Variants in HECW1 observed in about 807,000 individuals in gnomAD.
HECW1 encodes HECT, C2 and WW domain containing E3 ubiquitin protein ligase 1, also known as E3 ubiquitin-protein ligase HECW1.
HECW1 carries 61 observed loss-of-function variants against 182.3 expected under a neutral mutation model. That is an observed-to-expected ratio of 0.33 (90% CI 0.27 to 0.41). HECW1 has a LOEUF of 0.41. Ranked by LOEUF, HECW1 falls within the 10% of genes least tolerant of loss-of-function variation. The probability of loss-of-function intolerance (pLI) is 1.00; values close to 1 mark genes in which losing one functional copy is unlikely to be tolerated. For synonymous variants in HECW1, 859 were observed against 832.6 expected (o/e 1.03, Z -0.55); for missense variants, 1,739 against 2,108.9 (o/e 0.82, Z 3.44).
At chr7:43,522,831 C>T (rs1227343983) in intron 24 of HECW1, among the ~76,000 whole-genome samples, 1 of 152,144 alleles carries the variant, frequency 6.6e-6, no homozygotes, top group Non-Finnish European at 1.5e-5. Flanking sequence ...GGTATAAAAG[C>T]CAGGAGCAGG....
chr7:43,543,725 G>A lies in HECW1; in HGVS notation c.4248+1727G>A, dbSNP rs189199445. ...ACCTAGGAGGCAGCAGTTACAGTGA[G>A]CCGAGATCACGTCATTGCACTCCAG... On this transcript the variant is annotated intron_variant, in intron 26 of 29. Transcript: ENST00000395891. Among the ~76,000 whole-genome samples the A allele has an allele frequency of 4.3e-3, 631 of 148,166 alleles. 3 individuals are homozygous for A. Among genetic ancestry groups the A allele is most frequent in the Admixed American group, 0.01 (150 of 14,604 alleles).
intron 2 of HECW1, among the ~76,000 whole-genome samples, chr7:43,153,705 C>G (rs973156281): frequency 4.6e-5 from 7 of 152,154 alleles, no homozygotes; most frequent in Non-Finnish European, 1.0e-4. Context: ...ACGTCATTTT[C>G]CTGAGGTCTG....
chr7:43,122,626 C>T (rs1030257565), intron 2 of HECW1, among the ~76,000 whole-genome samples: 24 of 152,126 alleles, frequency 1.6e-4, no homozygotes, highest in Non-Finnish European at 4.4e-5. Flanking sequence ...TAGAAACATA[C>T]ATTCAGATCA....
intron 5 of HECW1, among the ~76,000 whole-genome samples, chr7:43,335,983 T>TTC (rs1252901497): frequency 6.9e-6 from 1 of 144,060 alleles, no homozygotes; most frequent in African/African-American, 2.6e-5. Flanking sequence ...CTCTCTCTCT[T>TTC]TCTCTCTCTC....
chr7:43,509,002 C>G lies in HECW1; in HGVS notation c.3900C>G (p.Phe1300Leu). The G allele has an allele frequency of 1.2e-6, 2 of 1,614,132 alleles. No individual in the cohort carries two copies. Among genetic ancestry groups the G allele is most frequent in the Non-Finnish European group, 1.7e-6 (2 of 1,179,990 alleles). ...LDYSGPSREF[F>L]FLLSQELFNP... The stretch of plus-strand genomic sequence containing the variant: ...ACAGTGGCCCCTCGCGGGAGTTCTT[C>G]TTCCTTCTGTCTCAGGAGCTCTTCA... Residue 1300 changes from phenylalanine to leucine, a missense_variant, in exon 24 of 30, where the codon TTC becomes TTG. Phe to Leu is a conservative substitution (Grantham distance 22). Coordinates refer to ENST00000395891, the MANE Select transcript of HECW1 (RefSeq NM_015052.5).
chr7:43,131,596 A>C (rs1006380000), intron 2 of HECW1, among the ~76,000 whole-genome samples: 1 of 152,254 alleles, frequency 6.6e-6, no homozygotes, highest in Non-Finnish European at 1.5e-5. Context: ...CAAAAGGTAC[A>C]CTGGGGTTTC....
rs1005412081 is a variant in HECW1, at chr7:43,428,985, C to T, written c.802-9018C>T. 1.4e-4 allele frequency among the ~76,000 whole-genome samples: 21 copies of T among 150,882 alleles called. No homozygotes were observed. In the East Asian group the frequency reaches 2.3e-3, roughly 17 times the overall value. On this transcript the variant is annotated intron_variant, in intron 8 of 29. Coordinates refer to ENST00000395891, the MANE Select transcript of HECW1 (RefSeq NM_015052.5). Reference sequence around the variant, plus strand: ...ATGTGTATATGTATGTATACAAATACGTACAGATATATAATATACAAATAT... The same window carrying T: ...ATGTGTATATGTATGTATACAAATATGTACAGATATATAATATACAAATAT...
intron 8 of HECW1, among the ~76,000 whole-genome samples, chr7:43,422,958 A>G (rs1358249540): frequency 6.6e-6 from 1 of 152,118 alleles, no homozygotes; most frequent in Non-Finnish European, 1.5e-5. Flanking sequence ...ATTTAAGCAC[A>G]ATTGCTAAGT....
chr7:43,372,616 G>A (rs1400302466), intron 6 of HECW1, among the ~76,000 whole-genome samples: 1 of 151,712 alleles, frequency 6.6e-6, no homozygotes, highest in Non-Finnish European at 1.5e-5. Flanking sequence ...GTGGGATTGT[G>A]GCTTTTTGTG....
rs1052530760 is a variant in HECW1 at position 43,423,194 on chromosome 7, G to A, written c.802-14809G>A. On this transcript the variant is annotated intron_variant, in intron 8 of 29. Coordinates refer to ENST00000395891, the MANE Select transcript of HECW1 (RefSeq NM_015052.5). ...AACGCAGAGCTGGTACTGGTGGTGA[G>A]TGTGTGAGCAGCCCTAAAGACGGCA... Among the ~76,000 whole-genome samples the A allele has an allele frequency of 2.2e-4, 33 of 152,224 alleles. 2 individuals are homozygous for A.
intron 2 of HECW1, among the ~76,000 whole-genome samples, chr7:43,134,921 T>C (rs1787359916): frequency 6.6e-6 from 1 of 152,216 alleles, no homozygotes; most frequent in Non-Finnish European, 1.5e-5. Flanking sequence ...TTAAAAAATG[T>C]ATCAGAGCAT....
intron 28 of HECW1, 129 bp from the exon 29 acceptor site, chr7:43,554,463 C>T (rs1299398646): frequency 1.4e-5 from 11 of 796,062 alleles, no homozygotes; most frequent in Non-Finnish European, 2.0e-5. Flanking sequence ...AAGGCCATCA[C>T]AAGAGAAATC....
intron 3 of HECW1, 40 bp from the exon 4 acceptor site, chr7:43,311,695 TCGTGTGATGACGGTGACTGAGTTGCCGG>T (rs752581213): frequency 1.4e-6 from 2 of 1,449,134 alleles, no homozygotes; most frequent in Admixed American, 3.3e-5. Context: ...TCTTTCGTTT[TCGTGTGATGACGGTGACTGAGTTGCCGG>T]CGTGCCCTGA....
At chr7:43,274,453 G>A (rs1189597451) in intron 3 of HECW1, 10 of 638,008 alleles carry the variant, frequency 1.6e-5, no homozygotes, top group Non-Finnish European at 1.7e-5. Flanking sequence ...GGAATACTGG[G>A]ACCTGACCAC....
At chr7:43,524,373 A>AACACTGAGTAAAGCATGGAAACAT (rs2080672045) in intron 24 of HECW1, among the ~76,000 whole-genome samples, 1 of 152,244 alleles carries the variant, frequency 6.6e-6, no homozygotes, top group Non-Finnish European at 1.5e-5. Flanking sequence ...TGAAGGCAGT[A>AACACTGAGTAAAGCATGGAAACAT]ACACTGAGTA....
At chr7:43,281,049 C>T (rs1803831824) in intron 3 of HECW1, among the ~76,000 whole-genome samples, 1 of 152,144 alleles carries the variant, frequency 6.6e-6, no homozygotes, top group African/African-American at 2.4e-5. Context: ...ATTCTAGGAT[C>T]CTGCACTCAT....
intron 2 of HECW1, among the ~76,000 whole-genome samples, chr7:43,160,594 G>A (rs111702279): frequency 5.9e-5 from 9 of 152,188 alleles, no homozygotes; most frequent in South Asian, 2.1e-4. Context: ...AGTCTTCAAC[G>A]TATCAGTGTT....
At chr7:43,321,734 TC>T (rs1810139054) in intron 5 of HECW1, among the ~76,000 whole-genome samples, 1 of 152,236 alleles carries the variant, frequency 6.6e-6, no homozygotes, top group African/African-American at 2.4e-5. Context: ...TGACTTGTGG[TC>T]CAGGAAAAAC....
At chr7:43,451,348 A>G (rs1215641262) in intron 12 of HECW1, among the ~76,000 whole-genome samples, 1 of 152,220 alleles carries the variant, frequency 6.6e-6, no homozygotes, top group East Asian at 1.9e-4. Flanking sequence ...TGTTAAAACA[A>G]CTTCAACCCA....
Sources: gnomAD v4.1 joint callset for allele counts (sites outside exome capture counted in the v4.1 genomes callset) on GRCh38, gnomAD v4.1.1 for gene constraint, MANE v1.5 for transcripts, NCBI Gene and HGNC (gene_info 2026-07-23, HGNC 2026-07-21) for gene names.